The following STX18 variants were observed in gnomAD, a reference collection of about 807,000 sequenced individuals.
STX18 encodes syntaxin 18, also known as syntaxin-18.
A neutral mutation model predicts 50.1 loss-of-function variants in STX18; 40 were observed. The ratio of observed to expected loss-of-function variants is 0.80; its 90% CI spans 0.62 to 1.04. STX18 has a LOEUF of 1.04. Among genes scored for constraint, STX18 ranks in the 50% least tolerant of loss-of-function variants. STX18 has a pLI of 0.00. For synonymous variants in STX18, 158 were observed against 151.8 expected (o/e 1.04, Z -0.30); for missense variants, 410 against 415.8 (o/e 0.99, Z 0.12).
intron 2 of STX18, among the ~76,000 whole-genome samples, chr4:4,469,702 T>C (rs1727815179): frequency 6.6e-6 from 1 of 152,146 alleles, no homozygotes; most frequent in South Asian, 2.1e-4. Context: ...GCACCACTTC[T>C]CAGGTACTGC....
intron 1 of STX18, among the ~76,000 whole-genome samples, chr4:4,483,974 G>A (rs1728579390): frequency 6.6e-6 from 1 of 152,050 alleles, no homozygotes; most frequent in African/African-American, 2.4e-5. Flanking sequence ...TGATTCTCCT[G>A]CCTCAGCCTC....
chr4:4,496,097 A>G (rs73088214), intron 1 of STX18, among the ~76,000 whole-genome samples: 5 of 152,214 alleles, frequency 3.3e-5, no homozygotes. Context: ...TAAATTCTTT[A>G]CATTTCCAAG....
intron 5 of STX18, among the ~76,000 whole-genome samples, chr4:4,449,351 C>A (rs1726623655): frequency 6.6e-6 from 1 of 151,860 alleles, no homozygotes; most frequent in South Asian, 2.1e-4. Flanking sequence ...GTGCACGGCA[C>A]CCCCCCACCC....
intron 8 of STX18, among the ~76,000 whole-genome samples, chr4:4,424,371 A>T (rs1725130893): frequency 6.6e-6 from 1 of 151,344 alleles, no homozygotes; most frequent in Non-Finnish European, 1.5e-5. Flanking sequence ...CAACAGTATC[A>T]CAGTGGCAGG....
chr4:4,473,291 C>CT (rs565584459), intron 1 of STX18, among the ~76,000 whole-genome samples: 2,711 of 134,652 alleles, frequency 0.02, 61 homozygotes, highest in Middle Eastern at 0.035. Flanking sequence ...GGAAATCTGA[C>CT]TTTTTTTTTT....
intron 2 of STX18, among the ~76,000 whole-genome samples, chr4:4,467,569 C>T (rs973350469): frequency 1.1e-4 from 17 of 152,288 alleles, no homozygotes; most frequent in African/African-American, 4.1e-4. Context: ...CAGCTGTGAT[C>T]TTCAGGTTAT....
At chr4:4,510,668 A>T (rs1344733581) in intron 1 of STX18, among the ~76,000 whole-genome samples, 1 of 152,226 alleles carries the variant, frequency 6.6e-6, no homozygotes, top group African/African-American at 2.4e-5. Context: ...TACCCAAAGG[A>T]TTATAAATCA....
At chr4:4,439,973 A>G (rs1012237301) in intron 5 of STX18, among the ~76,000 whole-genome samples, 15 of 152,234 alleles carry the variant, frequency 9.9e-5, no homozygotes, top group Non-Finnish European at 2.1e-4. Flanking sequence ...GTTGGTTGTC[A>G]GCCTTGCTCC....
At chr4:4,533,070 G>A (rs1367941488) in intron 1 of STX18, among the ~76,000 whole-genome samples, 2 of 152,162 alleles carry the variant, frequency 1.3e-5, no homozygotes, top group Non-Finnish European at 2.9e-5. Context: ...CTGAAAGTCT[G>A]TAACAAAGAA....
intron 5 of STX18, among the ~76,000 whole-genome samples, chr4:4,451,219 T>C (rs189978826): frequency 2.1e-4 from 32 of 152,294 alleles, no homozygotes; most frequent in Admixed American, 1.4e-3. Flanking sequence ...TGCTTCCAGG[T>C]CCCTTGCTTG....
chr4:4,446,104 T>C (rs1486727707), intron 5 of STX18, among the ~76,000 whole-genome samples: 7 of 152,130 alleles, frequency 4.6e-5, no homozygotes, highest in Non-Finnish European at 8.8e-5. Flanking sequence ...CAAACATTGA[T>C]ATAATAAATA....
At chr4:4,536,676 G>A (rs80296855) in intron 1 of STX18, among the ~76,000 whole-genome samples, 2,128 of 152,300 alleles carry the variant, frequency 0.014, 49 homozygotes, top group African/African-American at 0.048. Context: ...AGGCCAGAGA[G>A]GGAGCAGGGC....
chr4:4,499,481 T>C (rs546021192), intron 1 of STX18: 17 of 985,256 alleles, frequency 1.7e-5, no homozygotes, highest in Non-Finnish European at 2.0e-5. Context: ...GCATTTCATA[T>C]GCACAGATGC....
Position 4,419,962 on chromosome 4 carries a change from C to T in STX18, c.*72G>A. 2.3e-6 allele frequency: 3 copies of T among 1,286,852 alleles called. No individual in the cohort carries two copies. The allele number at this position is 1,286,852 out of a possible 1,614,324, so 79.7% of individuals were successfully genotyped here. A position where few individuals can be genotyped will look rare whatever the true frequency, so the allele number is the denominator to read the frequency against. On this transcript the variant is annotated 3_prime_UTR_variant, in exon 11 of 11. Coordinates refer to ENST00000306200, the MANE Select transcript of STX18 (RefSeq NM_016930.4). ...AATCTGGTCATACCATGCTCCAGCA[C>T]TGGAAGTACATGAAAGCACGCAGTC...
At chr4:4,465,811 C>T (rs973701210) in intron 2 of STX18, among the ~76,000 whole-genome samples, 1 of 152,150 alleles carries the variant, frequency 6.6e-6, no homozygotes, top group Admixed American at 6.5e-5. Context: ...TTTGCAGTAC[C>T]TATCATATCT....
At chr4:4,437,036 T>G (rs1406954460) in intron 6 of STX18, among the ~76,000 whole-genome samples, 1 of 148,496 alleles carries the variant, frequency 6.7e-6, no homozygotes, top group Non-Finnish European at 1.5e-5. Context: ...CTTGGCTCAC[T>G]GCAACTTCCG....
At chr4:4,422,385 G>A (rs1417686977) in intron 9 of STX18, among the ~76,000 whole-genome samples, 1 of 152,002 alleles carries the variant, frequency 6.6e-6, no homozygotes, top group Non-Finnish European at 1.5e-5. Flanking sequence ...TGGCCAAGAT[G>A]GTGAAACCCC....
intron 8 of STX18, 48 bp from the exon 9 acceptor site, chr4:4,423,635 C>T (rs750592791): frequency 1.3e-6 from 2 of 1,561,408 alleles, no homozygotes; most frequent in Non-Finnish European, 8.8e-7. Context: ...ACTTGGTAAT[C>T]TAACAGGACT....
intron 5 of STX18, among the ~76,000 whole-genome samples, chr4:4,448,066 G>A (rs1046801755): frequency 6.6e-6 from 1 of 152,202 alleles, no homozygotes; most frequent in Non-Finnish European, 1.5e-5. Context: ...GCAGGGCAGT[G>A]GCCTAGGGTG....
Sources: gnomAD v4.1 joint callset for allele counts (sites outside exome capture counted in the v4.1 genomes callset) on GRCh38, gnomAD v4.1.1 for gene constraint, MANE v1.5 for transcripts, NCBI Gene and HGNC (gene_info 2026-07-23, HGNC 2026-07-21) for gene names.